Variants in AKAP13 observed in about 807,000 individuals in gnomAD.
AKAP13 encodes A-kinase anchoring protein 13, also known as A-kinase anchor protein 13.
Under a neutral mutation model 264.5 loss-of-function variants are expected in AKAP13, and 80 were observed. The observed-to-expected ratio is 0.30, with a 90% CI of 0.25 to 0.36. The LOEUF is 0.36. AKAP13 is among the 10% of genes least tolerant of loss of function. AKAP13 has a pLI of 1.00. For missense variants in AKAP13, 3,712 were observed against 3,435.2 expected, an observed-to-expected ratio of 1.08 and a Z score of -2.01; for synonymous variants, 1,380 against 1,250.2, an observed-to-expected ratio of 1.10 and a Z score of -2.19.
chr15:85,656,050 T>C (rs1398415956), intron 11 of AKAP13, among the ~76,000 whole-genome samples: 2 of 152,202 alleles, frequency 1.3e-5, no homozygotes, highest in Non-Finnish European at 2.9e-5. Flanking sequence ...AATAATACAA[T>C]GAAATGTGAT....
chr15:85,726,126 G>A (rs1398526844), intron 26 of AKAP13: 1 of 278,864 alleles, frequency 3.6e-6, no homozygotes, highest in Admixed American at 4.9e-5. Flanking sequence ...TTAAAATCTT[G>A]TCTTATGGGA....
intron 1 of AKAP13, among the ~76,000 whole-genome samples, chr15:85,392,118 T>C (rs2070889128): frequency 6.6e-6 from 1 of 151,386 alleles, no homozygotes. Context: ...TTAATAATAT[T>C]TTTTGAGGTT....
At chr15:85,620,606 T>C (rs1162527076) in intron 8 of AKAP13, among the ~76,000 whole-genome samples, 1 of 152,182 alleles carries the variant, frequency 6.6e-6, no homozygotes, top group Non-Finnish European at 1.5e-5. Context: ...GTCTGAGTCT[T>C]TTCTGTTTTT....
At chr15:85,600,306 A>C (rs1017306798) in intron 8 of AKAP13, among the ~76,000 whole-genome samples, 1 of 142,826 alleles carries the variant, frequency 7.0e-6, no homozygotes, top group Non-Finnish European at 1.5e-5. Flanking sequence ...GAAGATGGGA[A>C]TAGCTTAGAT....
chr15:85,602,163 A>G (rs958531015), intron 8 of AKAP13, among the ~76,000 whole-genome samples: 7 of 151,872 alleles, frequency 4.6e-5, no homozygotes, highest in Non-Finnish European at 7.4e-5. Context: ...TACTTTCGGT[A>G]TGCAATCTGA....
chr15:85,640,219 C>CATG (rs2082249639), intron 9 of AKAP13, among the ~76,000 whole-genome samples: 1 of 152,178 alleles, frequency 6.6e-6, no homozygotes, highest in Non-Finnish European at 1.5e-5. Context: ...GTACAGATGA[C>CATG]ATGATGAGTA....
chr15:85,725,166 C>G (rs774581955), intron 26 of AKAP13, among the ~76,000 whole-genome samples: 2 of 152,132 alleles, frequency 1.3e-5, no homozygotes, highest in Non-Finnish European at 2.9e-5. Context: ...GTCAAGCCAG[C>G]GGCAGAACGA....
intron 26 of AKAP13, 107 bp downstream of exon 26, chr15:85,723,427 TC>T: frequency 6.8e-7 from 1 of 1,478,512 alleles, no homozygotes; most frequent in Non-Finnish European, 9.1e-7. Context: ...AGAGAGCCCA[TC>T]TCTAAACACT....
At position 85,579,043 on chromosome 15, in the gene AKAP13, G is replaced by A. The variant is rs966775558; in HGVS notation, c.975G>A (p.Thr325=). The change falls in exon 7 of 37, where the codon ACG becomes ACA. Residue 325 remains threonine, a synonymous_variant. Transcript: ENST00000394518. ...GQFLPCAPEP[T]DPQRLSSSEE... ...TTCTTCCCTGTGCACCGGAGCCCAC[G>A]GACCCTCAGCGACTTTCTTCTTCTG... The A allele has an allele frequency of 6.8e-6, 11 of 1,613,998 alleles. No homozygotes were observed. Among genetic ancestry groups the A allele is most frequent in the African/African-American group, 2.7e-5 (2 of 74,892 alleles).
At chr15:85,381,276 G>A (rs1439469527) in intron 1 of AKAP13, among the ~76,000 whole-genome samples, 1 of 152,040 alleles carries the variant, frequency 6.6e-6, no homozygotes, top group African/African-American at 2.4e-5. Context: ...CGGGCGCGAG[G>A]GAGCGGCTCC....
Position 85,693,463 on chromosome 15 carries a change from G to C in AKAP13, c.5464+12G>C, listed in dbSNP as rs374206382. Reference sequence around the variant, plus strand: ...CTATACTTGTGCAAGTAAGAGACATGCTTCTTCCTCTCGTAAGATGGAACT... The same window carrying C: ...CTATACTTGTGCAAGTAAGAGACATCCTTCTTCCTCTCGTAAGATGGAACT... On this transcript the variant is annotated intron_variant, in intron 17 of 36. Coordinates refer to ENST00000394518, the MANE Select transcript of AKAP13 (RefSeq NM_007200.5). 6.2e-7 allele frequency: 1 copy of C among 1,609,904 alleles called. No individual in the cohort carries two copies.
chr15:85,388,624 T>G (rs1283218725), intron 1 of AKAP13, among the ~76,000 whole-genome samples: 1 of 152,248 alleles, frequency 6.6e-6, no homozygotes. Flanking sequence ...CATAATCATA[T>G]GTTTTTTCTT....
intron 13 of AKAP13, among the ~76,000 whole-genome samples, chr15:85,668,804 G>C (rs1411377025): frequency 6.6e-6 from 1 of 152,094 alleles, no homozygotes; most frequent in Admixed American, 6.5e-5. Context: ...TTAGCTGGGC[G>C]TGGTGGTGCA....
chr15:85,727,163 A>T lies in AKAP13; in HGVS notation c.6920A>T (p.Asp2307Val). 6 of 1,614,222 alleles carry T rather than the reference A, an allele frequency of 3.7e-6. No individual in the cohort carries two copies. Among genetic ancestry groups the T allele is most frequent in the Non-Finnish European group, 5.1e-6 (6 of 1,180,020 alleles). The change falls in exon 28 of 37, where the codon GAT (aspartate) becomes GTT (valine). Residue 2307 changes from aspartate (D) to valine (V), a missense_variant. Transcript: ENST00000394518. This position sits in a 1 kb window ranked among gnomAD's most constrained non-coding sequence, Gnocchi z 5.3. ...GLFLISMGMTDPEMVEVHASS... is the reference protein window; with the variant it reads ...GLFLISMGMTVPEMVEVHASS... ...TTCCTGATCAGCATGGGGATGACAG[A>T]TCCAGAGATGGTAGAAGTCCATGCC...
chr15:85,514,244 T>C (rs1296776344), intron 2 of AKAP13, among the ~76,000 whole-genome samples: 1 of 138,026 alleles, frequency 7.2e-6, no homozygotes, highest in African/African-American at 2.9e-5. Flanking sequence ...TCATAGGAAC[T>C]CCCTTCTCTG....
At chr15:85,670,572 G>A (rs940537891) in intron 14 of AKAP13, 1 of 150,504 alleles carries the variant, frequency 6.6e-6, no homozygotes, top group African/African-American at 2.5e-5. Flanking sequence ...CTGGGTCCAA[G>A]ATTCAATCTA....
At chr15:85,452,901 G>T (rs1205053810) in intron 1 of AKAP13, among the ~76,000 whole-genome samples, 2 of 152,186 alleles carry the variant, frequency 1.3e-5, no homozygotes, top group African/African-American at 4.8e-5. Context: ...CAGAGGGAGA[G>T]ATCTTATTAG....
Position 85,745,116 on chromosome 15 carries a change from G to C in AKAP13, c.*439G>C, listed in dbSNP as rs2089329781. ...TGTGTACGTACATGGGGACCTGTCT[G>C]CATATACACACGGGGAATGCCAGAA... On this transcript the variant is annotated 3_prime_UTR_variant, in exon 37 of 37. Transcript: ENST00000394518. 6.4e-6 allele frequency: 1 copy of C among 156,796 alleles called. No individual in the cohort carries two copies. The highest frequency in any genetic ancestry group is 2.4e-5 in the African/African-American group (1 of 41,484). The allele number at this position is 156,796 out of a possible 1,614,324, so 9.7% of individuals were successfully genotyped here. A position where few individuals can be genotyped will look rare whatever the true frequency, so the allele number is the denominator to read the frequency against.
At chr15:85,399,613 A>C (rs1306653595) in intron 1 of AKAP13, among the ~76,000 whole-genome samples, 1 of 151,708 alleles carries the variant, frequency 6.6e-6, no homozygotes, top group Non-Finnish European at 1.5e-5. Context: ...CTGGCAACCA[A>C]AGAAAAAATG....
Sources: gnomAD v4.1 joint callset for allele counts (sites outside exome capture counted in the v4.1 genomes callset) on GRCh38, gnomAD v4.1.1 for gene constraint, Gnocchi (gnomAD v3.1) non-coding constraint, MANE v1.5 for transcripts, NCBI Gene and HGNC (gene_info 2026-07-23, HGNC 2026-07-21) for gene names.